BCL2L13: variants seen among roughly 807,000 people sequenced by gnomAD.
The protein encoded by BCL2L13 is bcl-2-like protein 13.
BCL2L13 carries 13 observed loss-of-function variants against 25.8 expected under a neutral mutation model. The observed-to-expected ratio is 0.50, with a 90% CI of 0.33 to 0.80. The LOEUF is 0.80. Ranked by LOEUF, BCL2L13 falls within the 30% of genes least tolerant of loss-of-function variation. The pLI, the probability that BCL2L13 is intolerant of heterozygous loss-of-function variation, is 0.02. For missense variants in BCL2L13, 504 were observed against 574.9 expected, an observed-to-expected ratio of 0.88 and a Z score of 1.26; for synonymous variants, 244 against 230.3, an observed-to-expected ratio of 1.06 and a Z score of -0.54.
Position 17,726,924 on chromosome 22 carries a change from C to T in BCL2L13, c.848C>T (p.Pro283Leu). ...TCCTGGCAGCAGATTGCAATGGATC[C>T]TGAAGAAGTGAAAAGCTTAGACAGC... Reference protein sequence around the residue: ...PESWQQIAMDPEEVKSLDSNG... With the variant: ...PESWQQIAMDLEEVKSLDSNG... The change falls in exon 7 of 7, where the codon CCT becomes CTT. Residue 283 changes from proline (P) to leucine (L), a missense_variant. Physicochemically the swap from Pro to Leu is moderately conservative, Grantham distance 98. Transcript: ENST00000317582. 1.2e-6 allele frequency: 2 copies of T among 1,614,162 alleles called. No individual in the cohort carries two copies. The highest frequency in any genetic ancestry group is 1.7e-6 in the Non-Finnish European group (2 of 1,180,030).
At chr22:17,651,956 C>T (rs945177036) in intron 1 of BCL2L13, among the ~76,000 whole-genome samples, 1 of 152,090 alleles carries the variant, frequency 6.6e-6, no homozygotes, top group African/African-American at 2.4e-5. Flanking sequence ...TCCCAAAATG[C>T]TGGGATTACA....
At chr22:17,701,590 C>G (rs1039962508) in intron 5 of BCL2L13, among the ~76,000 whole-genome samples, 1 of 152,128 alleles carries the variant, frequency 6.6e-6, no homozygotes, top group Non-Finnish European at 1.5e-5. Flanking sequence ...ATTTATTTAA[C>G]TAGTCCCTGT....
chr22:17,703,984 G>A (rs1008606297), intron 6 of BCL2L13, among the ~76,000 whole-genome samples: 2 of 152,162 alleles, frequency 1.3e-5, no homozygotes, highest in African/African-American at 2.4e-5. Flanking sequence ...AGTACATCAA[G>A]GTTTGTTTGG....
At chr22:17,688,251 T>G (rs573867892) in intron 3 of BCL2L13, among the ~76,000 whole-genome samples, 74 of 152,230 alleles carry the variant, frequency 4.9e-4, no homozygotes, top group Non-Finnish European at 9.6e-4. Flanking sequence ...GTCACTGTGC[T>G]CGGCTTCTGG....
At position 17,729,637 on chromosome 22, in the gene BCL2L13, A is replaced by G. The variant is rs2061370413; in HGVS notation, c.*2103A>G. On this transcript the variant is annotated 3_prime_UTR_variant, in exon 7 of 7. Transcript: ENST00000317582. ...TGAAAGGAGGTGTGAGGCTTAGGAAATTGGAGCCTGTGTTGCCCACGAAAG... is the reference window on the plus strand; with the variant it reads ...TGAAAGGAGGTGTGAGGCTTAGGAAGTTGGAGCCTGTGTTGCCCACGAAAG... 2 of 152,214 alleles carry G rather than the reference A, an allele frequency of 1.3e-5. No homozygotes were observed. The highest frequency in any genetic ancestry group is 1.3e-4 in the Admixed American group (2 of 15,288). 9.4% of individuals were successfully genotyped at this position (152,214 alleles called of 1,614,324 possible).
At chr22:17,668,024 T>G (rs2059291137) in intron 2 of BCL2L13, among the ~76,000 whole-genome samples, 1 of 151,444 alleles carries the variant, frequency 6.6e-6, no homozygotes, top group Non-Finnish European at 1.5e-5. Context: ...TATTCTTTTT[T>G]TTTTTTGAGA....
At position 17,702,396 on chromosome 22, in the gene BCL2L13, G is replaced by A. The variant is rs762617548; in HGVS notation, c.600+10G>A. On this transcript the variant is annotated intron_variant, in intron 6 of 6. Coordinates refer to ENST00000317582, the MANE Select transcript of BCL2L13 (RefSeq NM_015367.4). ...TCAGCAAGGTGGCTGGGTATGAGCT[G>A]TTATATATTAAAAATATTTTCTTGA... 1 of 1,538,692 alleles carries A rather than the reference G, an allele frequency of 6.5e-7. No homozygotes were observed. Among genetic ancestry groups the A allele is most frequent in the Non-Finnish European group, 8.7e-7 (1 of 1,149,494 alleles).
At chr22:17,726,368 A>C (rs938120462) in intron 6 of BCL2L13, among the ~76,000 whole-genome samples, 23 of 147,744 alleles carry the variant, frequency 1.6e-4, no homozygotes, top group African/African-American at 2.9e-4. Context: ...AAAAAAAAAA[A>C]ACCTCAGATT....
intron 6 of BCL2L13, among the ~76,000 whole-genome samples, chr22:17,726,411 A>G (rs1203344252): frequency 6.6e-6 from 1 of 151,648 alleles, no homozygotes; most frequent in Non-Finnish European, 1.5e-5. Flanking sequence ...TTTTCAGATT[A>G]GGATGCTCTC....
At chr22:17,689,471 G>A (rs921346911) in intron 4 of BCL2L13, among the ~76,000 whole-genome samples, 1 of 152,116 alleles carries the variant, frequency 6.6e-6, no homozygotes, top group Non-Finnish European at 1.5e-5. Context: ...TCCTCTAGTC[G>A]TGACATGAAT....
intron 6 of BCL2L13, among the ~76,000 whole-genome samples, chr22:17,712,727 T>TATGGCTTTGGTGAGTGGGTTCTC (rs2060798514): frequency 6.6e-6 from 1 of 152,226 alleles, no homozygotes; most frequent in Non-Finnish European, 1.5e-5. Context: ...TAACTGTTGA[T>TATGGCTTTGGTGAGTGGGTTCTC]ATGGCTTTGG....
chr22:17,633,767 A>G (rs148325462), upstream of BCL2L13, among the ~76,000 whole-genome samples: 133 of 152,326 alleles, frequency 8.7e-4, no homozygotes, highest in African/African-American at 3.1e-3. Flanking sequence ...AGGTGTCTGC[A>G]CTTTTTGCCT....
At chr22:17,720,889 G>A (rs985652529) in intron 6 of BCL2L13, among the ~76,000 whole-genome samples, 36 of 151,932 alleles carry the variant, frequency 2.4e-4, no homozygotes, top group Middle Eastern at 3.4e-3. Flanking sequence ...ATAACAGGCC[G>A]GGCGCGGTGG....
At chr22:17,634,145 C>G (rs540635241), upstream of BCL2L13, among the ~76,000 whole-genome samples, 43 of 152,172 alleles carry the variant, frequency 2.8e-4, no homozygotes, top group East Asian at 2.1e-3. Context: ...TATTCCAGTC[C>G]CTTGTCTGTT....
intron 2 of BCL2L13, among the ~76,000 whole-genome samples, chr22:17,657,007 C>T (rs1012973640): frequency 6.6e-6 from 1 of 152,034 alleles, no homozygotes; most frequent in African/African-American, 2.4e-5. Context: ...TTAGTAGAGA[C>T]GGGGTTTCAC....
At position 17,730,381 on chromosome 22, in the gene BCL2L13, C is replaced by G. The variant is rs1404185252; in HGVS notation, c.*2847C>G. The G allele has an allele frequency of 6.6e-6, 1 of 152,108 alleles. No individual in the cohort carries two copies. Among genetic ancestry groups the G allele is most frequent in the Non-Finnish European group, 1.5e-5 (1 of 68,028 alleles). 9.4% of individuals were successfully genotyped at this position (152,108 alleles called of 1,614,324 possible). ...CACCTGCATTTCTGTCCCAGGGATA[C>G]CAGATGCAGCCACTACCTAACTAGG... On this transcript the variant is annotated 3_prime_UTR_variant, in exon 7 of 7. Transcript: ENST00000317582.
chr22:17,692,574 T>C (rs896712018), intron 4 of BCL2L13, among the ~76,000 whole-genome samples: 3 of 152,186 alleles, frequency 2.0e-5, no homozygotes, highest in Non-Finnish European at 2.9e-5. Flanking sequence ...AGTACTAGGC[T>C]CACTTTAATG....
At chr22:17,651,206 G>A (rs2058672833) in intron 1 of BCL2L13, among the ~76,000 whole-genome samples, 1 of 151,710 alleles carries the variant, frequency 6.6e-6, no homozygotes, top group Non-Finnish European at 1.5e-5. Context: ...CACCATGTTG[G>A]CCAGGATGGT....
chr22:17,710,023 T>A (rs2060702321), intron 6 of BCL2L13, among the ~76,000 whole-genome samples: 1 of 136,662 alleles, frequency 7.3e-6, no homozygotes, highest in Non-Finnish European at 1.5e-5. Flanking sequence ...TAAGCCAAGA[T>A]TGCGCCACTG....
Sources: allele counts gnomAD v4.1 joint callset (sites outside exome capture counted in the v4.1 genomes callset), GRCh38; gene constraint gnomAD v4.1.1; transcripts MANE v1.5; gene names NCBI Gene and HGNC (gene_info 2026-07-23, HGNC 2026-07-21).